Variants in SLC25A36 observed in about 807,000 individuals in gnomAD.
SLC25A36 encodes solute carrier family 25 member 36, also known as epididymis secretory sperm binding protein.
SLC25A36 carries 24 observed loss-of-function variants against 35.3 expected under a neutral mutation model. That is an observed-to-expected ratio of 0.68 (90% CI 0.49 to 0.96). SLC25A36 has a LOEUF of 0.96. SLC25A36 is among the 40% of genes least tolerant of loss of function. The pLI is 0.00. For synonymous variants in SLC25A36, 141 were observed against 132.2 expected (o/e 1.07, Z -0.46); for missense variants, 294 against 381.1 (o/e 0.77, Z 1.90).
At chr3:140,966,647 C>T (rs928877141) in intron 4 of SLC25A36, 2 of 320,338 alleles carry the variant, frequency 6.2e-6, no homozygotes, top group African/African-American at 4.3e-5. Context: ...TAAATATTCC[C>T]TTTTGACAAG....
chr3:140,966,780 ATTCC>A, intron 4 of SLC25A36: 1 of 379,360 alleles, frequency 2.6e-6, no homozygotes, highest in South Asian at 2.0e-5. Flanking sequence ...CCATTTTGAT[ATTCC>A]TTTCTTTTTT....
chr3:140,965,043 T>G (rs1248400950), intron 4 of SLC25A36: 1 of 151,916 alleles, frequency 6.6e-6, no homozygotes, highest in Admixed American at 6.6e-5. Flanking sequence ...GTTCAGAGGT[T>G]ATTGCACTGT....
chr3:140,959,596 C>A, intron 3 of SLC25A36, 56 bp downstream of exon 3: 3 of 790,018 alleles, frequency 3.8e-6, no homozygotes, highest in Non-Finnish European at 5.7e-6. Flanking sequence ...TTTGTTTCAG[C>A]ACACCTGGAT....
At chr3:140,953,299 A>G (rs1934377943) in intron 1 of SLC25A36, among the ~76,000 whole-genome samples, 1 of 151,562 alleles carries the variant, frequency 6.6e-6, no homozygotes, top group Non-Finnish European at 1.5e-5. Context: ...GAGGTTTCTA[A>G]GTTCTACTTA....
At chr3:140,974,689 T>C (rs1934991264) in intron 6 of SLC25A36, among the ~76,000 whole-genome samples, 1 of 152,210 alleles carries the variant, frequency 6.6e-6, no homozygotes, top group Non-Finnish European at 1.5e-5. Context: ...GTTTTAAGTG[T>C]CGCTTTTGAT....
intron 1 of SLC25A36, among the ~76,000 whole-genome samples, chr3:140,944,530 A>G (rs2107776128): frequency 6.6e-6 from 1 of 152,340 alleles, no homozygotes; most frequent in Non-Finnish European, 1.5e-5. Context: ...ATGTATATAG[A>G]GATGAAAGCA....
At chr3:140,944,001 T>C (rs149741352) in intron 1 of SLC25A36, among the ~76,000 whole-genome samples, 137 of 152,026 alleles carry the variant, frequency 9.0e-4, no homozygotes, top group Admixed American at 1.6e-3. Flanking sequence ...AAATGAGATA[T>C]GGTATGTAGG....
intron 5 of SLC25A36, chr3:140,973,073 G>A (rs565099888): frequency 6.6e-6 from 1 of 151,224 alleles, no homozygotes; most frequent in Admixed American, 6.6e-5. Flanking sequence ...ATTGTATTAG[G>A]AAGAGTACTG....
At chr3:140,964,214 G>A (rs1039468735) in intron 4 of SLC25A36, 5 of 151,912 alleles carry the variant, frequency 3.3e-5, no homozygotes, top group African/African-American at 1.2e-4. Flanking sequence ...AAGTAAGTAA[G>A]TTTGAAATAC....
Position 140,978,826 on chromosome 3 carries a change from A to G in SLC25A36, c.*2373A>G, listed in dbSNP as rs1477170700. The G allele has an allele frequency of 6.6e-6, 1 of 152,210 alleles. No homozygotes were observed. The highest frequency in any genetic ancestry group is 1.9e-4 in the East Asian group (1 of 5,204). The allele number at this position is 152,210 out of a possible 1,614,324, so 9.4% of individuals were successfully genotyped here. A position where few individuals can be genotyped will look rare whatever the true frequency, so the allele number is the denominator to read the frequency against. On this transcript the variant is annotated 3_prime_UTR_variant, in exon 7 of 7. Transcript: ENST00000324194. The stretch of plus-strand genomic sequence containing the variant: ...CAGAGATAATTCAAAAAGGAAAACT[A>G]TATATAAAAGTTGTATATAAAGTTT...
intron 1 of SLC25A36, among the ~76,000 whole-genome samples, chr3:140,953,719 G>T (rs1189666639): frequency 6.6e-6 from 1 of 152,188 alleles, no homozygotes; most frequent in African/African-American, 2.4e-5. Context: ...TACTTTGGAA[G>T]CCTGAAGTGG....
intron 1 of SLC25A36, among the ~76,000 whole-genome samples, chr3:140,945,721 C>T (rs11713505): frequency 0.073 from 10,985 of 150,584 alleles, 495 homozygotes; most frequent in East Asian, 0.17. Context: ...ATCGTATTCA[C>T]CTCCAGGTAC....
chr3:140,974,871 G>T (rs1196446734), intron 6 of SLC25A36, among the ~76,000 whole-genome samples: 1 of 152,066 alleles, frequency 6.6e-6, no homozygotes, highest in Admixed American at 6.6e-5. Flanking sequence ...AACCAGGTTG[G>T]ACTATGAACT....
At position 140,973,713 on chromosome 3, in the gene SLC25A36, C is replaced by T; in HGVS notation, c.453-3C>T. Reference sequence around the variant, plus strand: ...CAGTAAGATGTTTCTTTTTGCTTTTCAGGAACCGCGGGGAAAGGCGAATGG... The same window carrying T: ...CAGTAAGATGTTTCTTTTTGCTTTTTAGGAACCGCGGGGAAAGGCGAATGG... On this transcript the variant is annotated splice_polypyrimidine_tract_variant and splice_region_variant and intron_variant, in intron 5 of 6. Transcript: ENST00000324194. The T allele has an allele frequency of 1.4e-6, 2 of 1,441,364 alleles. No homozygotes were observed. The highest frequency in any genetic ancestry group is 9.2e-7 in the Non-Finnish European group (1 of 1,088,020). The allele number at this position is 1,441,364 out of a possible 1,614,324, so 89.3% of individuals were successfully genotyped here.
At chr3:140,953,386 C>T (rs1033350267) in intron 1 of SLC25A36, among the ~76,000 whole-genome samples, 12 of 139,196 alleles carry the variant, frequency 8.6e-5, no homozygotes, top group Non-Finnish European at 1.4e-4. Flanking sequence ...ATTGTGGTTT[C>T]GACATTTTTT....
rs903196224 is a variant in SLC25A36, at chr3:140,975,221, C to T, written c.743-1039C>T. Among the ~76,000 whole-genome samples the T allele has an allele frequency of 4.1e-5, 6 of 147,112 alleles. No individual in the cohort carries two copies. In the East Asian group the frequency reaches 1.2e-3, roughly 31 times the overall value. On this transcript the variant is annotated intron_variant, in intron 6 of 6. Transcript: ENST00000324194. The stretch of plus-strand genomic sequence containing the variant: ...CTCCAAGGCTCAATTAATCCTCCTG[C>T]CCCAGCCTCCCAAGTAGCTGGGACT...
At chr3:140,947,173 C>A (rs1047721085) in intron 1 of SLC25A36, among the ~76,000 whole-genome samples, 1 of 152,134 alleles carries the variant, frequency 6.6e-6, no homozygotes, top group East Asian at 1.9e-4. Context: ...AAGCTGTTAA[C>A]CACTGAATTT....
In SLC25A36 at chr3:140,963,107, A is replaced by AC. The variant is rs759950799; in HGVS notation, c.285-20_285-19insC. 8.5e-5 allele frequency: 122 copies of AC among 1,442,514 alleles called. No individual in the cohort carries two copies. Among genetic ancestry groups the AC allele is most frequent in the Non-Finnish European group, 1.1e-4 (118 of 1,065,380 alleles). The allele number at this position is 1,442,514 out of a possible 1,614,324, so 89.4% of individuals were successfully genotyped here. On this transcript the variant is annotated intron_variant, in intron 3 of 6. Coordinates refer to ENST00000324194, the MANE Select transcript of SLC25A36 (RefSeq NM_001104647.3). ...CGCATTAAGAACATGCTTATTGATA[A>AC]ATCTAAATCTCTATTTTAGAGCAAT...
chr3:140,959,249 C>T (rs927780571), intron 2 of SLC25A36, among the ~76,000 whole-genome samples: 1 of 151,928 alleles, frequency 6.6e-6, no homozygotes, highest in African/African-American at 2.4e-5. Flanking sequence ...CTTCTGACCT[C>T]AAGGAATCTG....
Sources: gnomAD v4.1 joint callset for allele counts (sites outside exome capture counted in the v4.1 genomes callset) on GRCh38, gnomAD v4.1.1 for gene constraint, MANE v1.5 for transcripts, NCBI Gene and HGNC (gene_info 2026-07-23, HGNC 2026-07-21) for gene names.